TAF15: variants seen among roughly 807,000 people sequenced by gnomAD.
TAF15 encodes the protein TATA-box binding protein associated factor 15.
TAF15 carries 37 observed loss-of-function variants against 102.5 expected under a neutral mutation model. That is an observed-to-expected ratio of 0.36 (90% CI 0.28 to 0.47). TAF15 has a LOEUF of 0.47. Ranked by LOEUF, TAF15 falls within the 20% of genes least tolerant of loss-of-function variation. TAF15 has a pLI of 0.99. For missense variants in TAF15, 652 were observed against 760.7 expected (o/e 0.86, Z 1.68); for synonymous variants, 273 against 259.2 (o/e 1.05, Z -0.51).
At position 35,834,590 on chromosome 17, in the gene TAF15, C is replaced by A; in HGVS notation, c.665C>A (p.Thr222Lys). The change falls in exon 9 of 16, where the codon ACA becomes AAA. Residue 222 changes from threonine to lysine, a missense_variant. Physicochemically the swap from Thr to Lys is moderately conservative, Grantham distance 78. Transcript: ENST00000605844. ...GGTCACAGGGATTATGGACCCAGAACAGATGCTGGTAAGGTTTATGGTGGT... is the reference window on the plus strand; with the variant it reads ...GGTCACAGGGATTATGGACCCAGAAAAGATGCTGGTAAGGTTTATGGTGGT... ...FGGHRDYGPR[T>K]DADSESDNSD... 1 of 1,613,002 alleles carries A rather than the reference C, an allele frequency of 6.2e-7. No homozygotes were observed. The highest frequency in any genetic ancestry group is 8.5e-7 in the Non-Finnish European group (1 of 1,179,790).
chr17:35,813,987 T>G (rs903990465), intron 1 of TAF15, among the ~76,000 whole-genome samples: 12 of 126,226 alleles, frequency 9.5e-5, no homozygotes, highest in African/African-American at 3.3e-4. Context: ...CTTTTTTCTG[T>G]TTTTTTTGTT....
rs759711480 is a variant in TAF15, at chr17:35,822,868, CCT to C, written c.484+39_484+40del. The C allele has an allele frequency of 3.2e-5, 52 of 1,608,000 alleles. 1 individual carries two copies. Among genetic ancestry groups the C allele is most frequent in the Middle Eastern group, 3.3e-4 (2 of 6,052 alleles). On this transcript the variant is annotated intron_variant, in intron 6 of 15. Transcript: ENST00000605844. ...ACTGACCTCTATTATTATTTTTCCC[CCT>C]CTCAGAATTATTTGTATGAATTTCT...
intron 1 of TAF15, among the ~76,000 whole-genome samples, chr17:35,812,583 C>CAAAAAA (rs34497840): frequency 4.5e-5 from 3 of 66,258 alleles, no homozygotes; most frequent in African/African-American, 1.1e-4. Flanking sequence ...AACTCTATCT[C>CAAAAAA]AAAAAAAAAA....
chr17:35,837,536 A>G (rs915929740), intron 10 of TAF15, among the ~76,000 whole-genome samples: 3 of 151,922 alleles, frequency 2.0e-5, no homozygotes, highest in Admixed American at 2.0e-4. Flanking sequence ...TTTAGAAGTT[A>G]CATATTTACG....
rs746383433 is a variant in TAF15 at position 35,845,017 on chromosome 17, A to G, written c.1718A>G (p.Tyr573Cys). The G allele has an allele frequency of 1.1e-5, 18 of 1,613,826 alleles. 1 individual carries two copies. In the South Asian group the frequency reaches 1.4e-4, roughly 13 times the overall value. Residue 573 changes from tyrosine (Y) to cysteine (C), a missense_variant, in exon 15 of 16, where the codon TAT becomes TGT. By Grantham distance (194) the Tyr-to-Cys change is radical (BLOSUM62 -2). Around this residue, in one of 3 missense-constraint regions of TAF15, gnomAD observed 368 missense variants for 367.5 expected, o/e 1.00. Coordinates refer to ENST00000605844, the MANE Select transcript of TAF15 (RefSeq NM_139215.3). Reference sequence around the variant, plus strand: ...GGCTACGGAGGAGACCGAGGTGGCTATGGAGGCAAAATGGGAGGAAGGTGA... The same window carrying G: ...GGCTACGGAGGAGACCGAGGTGGCTGTGGAGGCAAAATGGGAGGAAGGTGA... ...GGGYGGDRGG[Y>C]GGKMGGRNDY...
intron 7 of TAF15, among the ~76,000 whole-genome samples, chr17:35,829,338 T>C (rs184659065): frequency 3.3e-5 from 5 of 150,808 alleles, no homozygotes; most frequent in Admixed American, 3.3e-4. Context: ...TTTTTTTTTA[T>C]TAAAAGATTT....
chr17:35,824,327 G>A (rs1223656623), intron 7 of TAF15, 129 bp downstream of exon 7: 3 of 1,221,832 alleles, frequency 2.5e-6, no homozygotes, highest in African/African-American at 1.6e-5. Flanking sequence ...ATTATATATT[G>A]GAGAAAAAGG....
In TAF15 at chr17:35,809,487, A is replaced by G. The variant is rs896342478; in HGVS notation, c.-83A>G. 28 of 1,592,670 alleles carry G rather than the reference A, an allele frequency of 1.8e-5. No homozygotes were observed. In the Admixed American group the frequency reaches 2.2e-4, roughly 12 times the overall value. ...CTCAGCCCGCCGCGCCGCCCTCAGT[A>G]CAGCTCCGGCCGCCGCGCCGCCTGG... On this transcript the variant is annotated 5_prime_UTR_variant, in exon 1 of 16. Coordinates refer to ENST00000605844, the MANE Select transcript of TAF15 (RefSeq NM_139215.3).
At position 35,844,178 on chromosome 17, in the gene TAF15, T is replaced by G. The variant is rs757861779; in HGVS notation, c.1088+20T>G. The G allele has an allele frequency of 2.5e-6, 4 of 1,613,684 alleles. No individual in the cohort carries two copies. The highest frequency in any genetic ancestry group is 1.3e-5 in the African/African-American group (1 of 74,856). On this transcript the variant is annotated intron_variant, in intron 13 of 15. Coordinates refer to ENST00000605844, the MANE Select transcript of TAF15 (RefSeq NM_139215.3). Reference sequence around the variant, plus strand: ...TAATCCGTAAGTGTCTTGTTTACTTTGGTGAGAGTAGGGGTTGGGATTGGG... The same window carrying G: ...TAATCCGTAAGTGTCTTGTTTACTTGGGTGAGAGTAGGGGTTGGGATTGGG...
intron 1 of TAF15, among the ~76,000 whole-genome samples, chr17:35,814,401 C>T (rs937839982): frequency 6.6e-6 from 1 of 152,012 alleles, no homozygotes; most frequent in African/African-American, 2.4e-5. Context: ...ATCTCCTGAC[C>T]TTGTGATCTG....
intron 5 of TAF15, 84 bp downstream of exon 5, chr17:35,820,521 G>C: frequency 1.5e-6 from 2 of 1,317,024 alleles, no homozygotes; most frequent in Non-Finnish European, 2.1e-6. Flanking sequence ...CAAAATCCTA[G>C]CTTTAAACTT....
chr17:35,843,574 G>A (rs1568280797), intron 12 of TAF15, among the ~76,000 whole-genome samples: 4 of 152,060 alleles, frequency 2.6e-5, no homozygotes, highest in Admixed American at 2.0e-4. Flanking sequence ...CTCAAACTAA[G>A]TAGGGTATAG....
At chr17:35,813,045 TG>T (rs923642677) in intron 1 of TAF15, among the ~76,000 whole-genome samples, 2 of 144,912 alleles carry the variant, frequency 1.4e-5, no homozygotes, top group Non-Finnish European at 3.0e-5. Context: ...CAGAATTGGT[TG>T]AAGCTAGGAG....
At chr17:35,817,788 G>A (rs749879901) in intron 2 of TAF15, 33 bp downstream of exon 2, 5 of 1,597,750 alleles carry the variant, frequency 3.1e-6, no homozygotes, top group Non-Finnish European at 4.3e-6. Flanking sequence ...TAATATGAAA[G>A]GGTAGAACTG....
intron 7 of TAF15, among the ~76,000 whole-genome samples, chr17:35,831,592 T>C (rs1423209211): frequency 6.6e-6 from 1 of 152,274 alleles, no homozygotes; most frequent in East Asian, 1.9e-4. Context: ...TGAAATTGCA[T>C]GTTTTCCATC....
chr17:35,820,191 G>C lies in TAF15; in HGVS notation c.127G>C (p.Asp43His). 6.2e-7 allele frequency: 1 copy of C among 1,614,092 alleles called. No individual in the cohort carries two copies. The highest frequency in any genetic ancestry group is 8.5e-7 in the Non-Finnish European group (1 of 1,179,944). ...QSYSGYGQTT[D>H]SSYGQNYSGY... is the part of the protein sequence containing the mutation. ...CTATTCTGGCTATGGGCAAACGACT[G>C]ATTCCTCTTATGGACAGAACTACAG... is the stretch of plus-strand genomic sequence containing the variant. Residue 43 changes from aspartate to histidine, a missense_variant, in exon 4 of 16, where the codon GAT becomes CAT. By Grantham distance (81) the Asp-to-His change is moderately conservative (BLOSUM62 -1). This residue lies in a region of TAF15 where 243 missense variants were observed against 284.1 expected (regional missense o/e 0.86). Transcript: ENST00000605844.
chr17:35,840,247 C>CTTTT (rs370455465), intron 11 of TAF15, among the ~76,000 whole-genome samples: 1,583 of 119,362 alleles, frequency 0.013, 39 homozygotes, highest in East Asian at 0.061. Flanking sequence ...CGTTATTTTC[C>CTTTT]TTTTTTTTTT....
chr17:35,846,929 G>T lies in TAF15; in HGVS notation c.1763G>T (p.Arg588Leu). The change falls in exon 16 of 16, where the codon CGC becomes CTC. Residue 588 changes from arginine to leucine, a missense_variant. Arg to Leu is a moderately radical substitution (Grantham distance 102). Coordinates refer to ENST00000605844, the MANE Select transcript of TAF15 (RefSeq NM_139215.3). ...AGAAACGACTACAGAAATGATCAGC[G>T]CAACCGACCATACTGATGACTGTTT... ...GGRNDYRNDQ[R>L]NRPY is the part of the protein sequence containing the mutation. 1.2e-6 allele frequency: 2 copies of T among 1,614,108 alleles called. No individual in the cohort carries two copies. Among genetic ancestry groups the T allele is most frequent in the South Asian group, 1.1e-5 (1 of 91,076 alleles).
intron 15 of TAF15, among the ~76,000 whole-genome samples, chr17:35,845,254 A>C (rs775831270): frequency 4.6e-5 from 7 of 152,086 alleles, no homozygotes; most frequent in Non-Finnish European, 8.8e-5. Flanking sequence ...AGAGACAATA[A>C]AAATTAAATT....
Sources: allele counts gnomAD v4.1 joint callset (sites outside exome capture counted in the v4.1 genomes callset), GRCh38; gene constraint gnomAD v4.1.1; regional missense constraint gnomAD v4.1.1; transcripts MANE v1.5; gene names NCBI Gene and HGNC (gene_info 2026-07-23, HGNC 2026-07-21).